Variants in MYH3 observed in about 807,000 individuals in gnomAD.
The protein encoded by MYH3 is myosin-3.
MYH3 carries 130 observed loss-of-function variants against 238.0 expected under a neutral mutation model. The observed-to-expected ratio is 0.55, with a 90% CI of 0.47 to 0.63. The LOEUF is 0.63. MYH3 is among the 30% of genes least tolerant of loss of function. MYH3 has a pLI of 0.00. For missense variants in MYH3, 1,853 were observed against 2,374.9 expected (o/e 0.78, Z 4.57); for synonymous variants, 880 against 924.1 (o/e 0.95, Z 0.86).
chr17:10,669,208 A>C, the MYH3 span, among the ~76,000 whole-genome samples: 3 of 152,156 alleles, frequency 2.0e-5, no homozygotes, highest in Non-Finnish European at 4.4e-5. Flanking sequence ...CCCTATACAA[A>C]TTAAAATTTC....
intron 32 of MYH3, 101 bp downstream of exon 32, chr17:10,633,916 T>C (rs1349019060): frequency 6.0e-6 from 9 of 1,510,880 alleles, no homozygotes; most frequent in Middle Eastern, 2.1e-4. Flanking sequence ...TTAACACACA[T>C]GTGTGCAGGA....
chr17:10,631,851 G>A lies in MYH3; in HGVS notation c.5122C>T (p.Leu1708=). The A allele has an allele frequency of 6.2e-7, 1 of 1,614,170 alleles. No individual in the cohort carries two copies. The highest frequency in any genetic ancestry group is 8.5e-7 in the Non-Finnish European group (1 of 1,180,024). The change falls in exon 35 of 41, where the codon CTG becomes TTG. Residue 1708 remains leucine, a synonymous_variant. Coordinates refer to ENST00000583535, the MANE Select transcript of MYH3 (RefSeq NM_002470.4). The part of the protein sequence containing the change: ...RARKLAEQEL[L]DSNERVQLLH... ...AGCTGCACCCTCTCGTTGGAGTCCAGGAGCTCCTGTTCCGCCAGTTTCCGG... is the reference window on the plus strand; with the variant it reads ...AGCTGCACCCTCTCGTTGGAGTCCAAGAGCTCCTGTTCCGCCAGTTTCCGG...
chr17:10,630,057 A>G (rs1368235017), intron 38 of MYH3, 35 bp downstream of exon 38: 2 of 1,608,456 alleles, frequency 1.2e-6, no homozygotes, highest in African/African-American at 1.3e-5. Context: ...TGCACGTCAC[A>G]GAGGACACGA....
Position 10,631,674 on chromosome 17 carries a change from C to G in MYH3, c.5223G>C (p.Glu1741Asp). ...TTGCATCCCTGCTGGCATCTTCTAC[C>G]TCACTCTGGAGCTGCATGAGGTCTG... ...LETDLMQLQS[E>D]VEDASRDARN... Residue 1741 changes from glutamate (E) to aspartate (D), a missense_variant, in exon 36 of 41, where the codon GAG (glutamate) becomes GAC (aspartate). Glu to Asp is a conservative substitution (Grantham distance 45). Around this residue, in one of 3 missense-constraint regions of MYH3, gnomAD observed 1,044 missense variants for 1,192.6 expected, o/e 0.88. Coordinates refer to ENST00000583535, the MANE Select transcript of MYH3 (RefSeq NM_002470.4). 1 of 1,614,162 alleles carries G rather than the reference C, an allele frequency of 6.2e-7. No homozygotes were observed. The highest frequency in any genetic ancestry group is 8.5e-7 in the Non-Finnish European group (1 of 1,180,030).
In MYH3 at chr17:10,639,643, A is replaced by G. The variant is rs1476908592; in HGVS notation, c.2842T>C (p.Cys948Arg). The G allele has an allele frequency of 5.6e-6, 9 of 1,613,922 alleles. 1 individual carries two copies. The highest frequency in any genetic ancestry group is 7.6e-6 in the Non-Finnish European group (9 of 1,180,028). ...TAKKRKLEDECSELKKDIDDL... is the reference protein window; with the variant it reads ...TAKKRKLEDERSELKKDIDDL... Reference sequence around the variant, plus strand: ...TCAATGTCTTTCTTGAGCTCTGAGCATTCATCCTCCAGTTTCCTCTTCTTG... The same window carrying G: ...TCAATGTCTTTCTTGAGCTCTGAGCGTTCATCCTCCAGTTTCCTCTTCTTG... The change falls in exon 23 of 41, where the codon TGC becomes CGC. Residue 948 changes from cysteine (C) to arginine (R), a missense_variant. Around this residue, in one of 3 missense-constraint regions of MYH3, gnomAD observed 678 missense variants for 1,058.9 expected, o/e 0.64. Transcript: ENST00000583535.
At chr17:10,664,394 G>A in the MYH3 span, among the ~76,000 whole-genome samples, 2 of 152,116 alleles carry the variant, frequency 1.3e-5, no homozygotes, top group African/African-American at 4.8e-5. Context: ...GGATTATAAT[G>A]GAGTCCGGTT....
At position 10,652,178 on chromosome 17, in the gene MYH3, G is replaced by C. The variant is rs983091970; in HGVS notation, c.348+242C>G. On this transcript the variant is annotated intron_variant, in intron 4 of 40. Transcript: ENST00000583535. ...CAGTTGGTAAGTCACAGCACCCCGT[G>C]ACCAAGCCTGGCCCCAGCTTCCCCG... The C allele has an allele frequency of 1.7e-5, 10 of 584,404 alleles. No homozygotes were observed. The African/African-American group carries it at 1.8e-4, about 11-fold the overall frequency. The allele number at this position is 584,404 out of a possible 1,614,324, so 36.2% of individuals were successfully genotyped here. A position where few individuals can be genotyped will look rare whatever the true frequency, so the allele number is the denominator to read the frequency against.
chr17:10,639,869 A>G lies in MYH3; in HGVS notation c.2683-67T>C, dbSNP rs1266140819. ...GTTTGCGACATTCCAGTATTTCACT[A>G]TATATGAAGTTCTTTATGAAGCATT... On this transcript the variant is annotated intron_variant, in intron 22 of 40. Transcript: ENST00000583535. The G allele has an allele frequency of 4.4e-6, 7 of 1,600,792 alleles. No individual in the cohort carries two copies. The East Asian group carries it at 1.6e-4, about 36-fold the overall frequency.
intron 2 of MYH3, 74 bp from the exon 3 acceptor site, chr17:10,655,146 C>T: frequency 8.2e-7 from 1 of 1,221,586 alleles, no homozygotes; most frequent in Non-Finnish European, 1.2e-6. Flanking sequence ...CCTGTTTCAG[C>T]CTCCACCCTG....
chr17:10,654,333 G>A lies in MYH3; in HGVS notation c.204+528C>T, dbSNP rs536725388. Among the ~76,000 whole-genome samples the A allele has an allele frequency of 5.9e-5, 9 of 152,000 alleles. No individual in the cohort carries two copies. The highest frequency in any genetic ancestry group is 1.2e-4 in the African/African-American group (5 of 41,442). On this transcript the variant is annotated intron_variant, in intron 3 of 40. Transcript: ENST00000583535. This position sits in a 1 kb window ranked among gnomAD's most constrained non-coding sequence, Gnocchi z 4.5. Reference sequence around the variant, plus strand: ...AAACTAGTGAGCTCCAGAATTCCTCGCAGCACCCCCACAGTGGCTTGGGCC... The same window carrying A: ...AAACTAGTGAGCTCCAGAATTCCTCACAGCACCCCCACAGTGGCTTGGGCC...
In MYH3 at chr17:10,634,282, T is replaced by TGTAGCC. The variant is rs1444529311; in HGVS notation, c.4357-101_4357-100insGGCTAC. On this transcript the variant is annotated intron_variant, in intron 31 of 40. Transcript: ENST00000583535. ...ATTAAATGCAGAGTTAGGGCTACAC[T>TGTAGCC]TGGCATCACTTGCCTGGCTCCTTGT... 9.5e-6 allele frequency: 13 copies of TGTAGCC among 1,372,828 alleles called. No individual in the cohort carries two copies. The East Asian group carries it at 3.0e-4, about 31-fold the overall frequency. The allele number at this position is 1,372,828 out of a possible 1,614,324, so 85.0% of individuals were successfully genotyped here. A position where few individuals can be genotyped will look rare whatever the true frequency, so the allele number is the denominator to read the frequency against.
At chr17:10,674,403 G>C in the MYH3 span, 1 of 267,850 alleles carries the variant, frequency 3.7e-6, no homozygotes, top group Non-Finnish European at 7.4e-6. Flanking sequence ...TCCAGCCTAG[G>C]CAACAAGAGC....
chr17:10,644,294 G>A, intron 14 of MYH3, 57 bp downstream of exon 14: 1 of 1,575,172 alleles, frequency 6.3e-7, no homozygotes, highest in Non-Finnish European at 8.7e-7. Context: ...TTAGGATCAT[G>A]AAACCAATTT....
At chr17:10,639,497 T>C in intron 23 of MYH3, 23 bp from the exon 24 acceptor site, 1 of 1,614,098 alleles carries the variant, frequency 6.2e-7, no homozygotes, top group Non-Finnish European at 8.5e-7. Context: ...CGCAAGCAAT[T>C]ATAAGCTTAA....
In MYH3 at chr17:10,638,237, G is replaced by A. The variant is rs375904355; in HGVS notation, c.3535C>T (p.Leu1179=). Residue 1179 remains leucine, a synonymous_variant, in exon 27 of 41, where the codon CTG becomes TTG. Transcript: ENST00000583535. ...EAEFLKLRRD[L]EEATLQHEAM... The stretch of plus-strand genomic sequence containing the variant: ...TCGTGCTGCAGTGTGGCCTCCTCCA[G>A]GTCCCTGCGCAGCTTCAGGAACTCC... 9 of 1,613,776 alleles carry A rather than the reference G, an allele frequency of 5.6e-6. No individual in the cohort carries two copies. The highest frequency in any genetic ancestry group is 1.7e-5 in the Admixed American group (1 of 59,978).
chr17:10,640,832 G>A, intron 19 of MYH3, 146 bp from the exon 20 acceptor site: 1 of 1,079,930 alleles, frequency 9.3e-7, no homozygotes, highest in South Asian at 1.3e-5. Flanking sequence ...TTGCTAGAGA[G>A]CAGTCTAGAA....
At chr17:10,660,232 T>C (rs887988573), upstream of MYH3, among the ~76,000 whole-genome samples, 2 of 152,250 alleles carry the variant, frequency 1.3e-5, no homozygotes, top group East Asian at 1.9e-4. Context: ...GTTTGGTACA[T>C]TGCAGGTGTT....
At chr17:10,643,656 G>A (rs1028719801) in intron 14 of MYH3, among the ~76,000 whole-genome samples, 1 of 152,194 alleles carries the variant, frequency 6.6e-6, no homozygotes, top group Non-Finnish European at 1.5e-5. Context: ...TTACAGGCAT[G>A]AGGCACCATG....
At chr17:10,629,815 GCCGCA>G in intron 39 of MYH3, 22 bp downstream of exon 39, 1 of 1,613,888 alleles carries the variant, frequency 6.2e-7, no homozygotes, top group Non-Finnish European at 8.5e-7. Flanking sequence ...CGGTCTGCCT[GCCGCA>G]GTCAGCACCT....
Sources: gnomAD v4.1 joint callset for allele counts (sites outside exome capture counted in the v4.1 genomes callset) on GRCh38, gnomAD v4.1.1 for gene constraint, gnomAD v4.1.1 regional missense constraint, Gnocchi (gnomAD v3.1) non-coding constraint, MANE v1.5 for transcripts, NCBI Gene and HGNC (gene_info 2026-07-23, HGNC 2026-07-21) for gene names.